PSAT1: variants seen among roughly 807,000 people sequenced by gnomAD.
PSAT1 encodes phosphoserine aminotransferase 1, also known as phosphoserine aminotransferase.
PSAT1 carries 41 observed loss-of-function variants against 40.3 expected under a neutral mutation model. The ratio of observed to expected loss-of-function variants is 1.02; its 90% CI spans 0.79 to 1.32. The LOEUF is 1.32. Ranked by LOEUF, PSAT1 falls within the 40% of genes most tolerant of loss-of-function variation. The pLI, the probability that PSAT1 is intolerant of heterozygous loss-of-function variation, is 0.00. For missense variants in PSAT1, 406 were observed against 455.8 expected (o/e 0.89, Z 0.99); for synonymous variants, 147 against 170.5 (o/e 0.86, Z 1.07).
intron 3 of PSAT1, among the ~76,000 whole-genome samples, chr9:78,302,900 C>T (rs749075266): frequency 2.6e-5 from 4 of 152,166 alleles, no homozygotes; most frequent in Non-Finnish European, 4.4e-5. Flanking sequence ...GTTATCTGTA[C>T]TGCCTTTCCT....
At chr9:78,324,209 G>A (rs1019848415) in intron 7 of PSAT1, among the ~76,000 whole-genome samples, 2 of 152,156 alleles carry the variant, frequency 1.3e-5, no homozygotes, top group African/African-American at 2.4e-5. Flanking sequence ...CCTCATTTAC[G>A]TGGTCGGTGA....
chr9:78,326,069 G>A lies in PSAT1; in HGVS notation c.870-1982G>A, dbSNP rs533412636. Among the ~76,000 whole-genome samples the A allele has an allele frequency of 1.1e-4, 16 of 152,240 alleles. No individual in the cohort carries two copies. The East Asian group carries it at 2.7e-3, about 26-fold the overall frequency. ...TGTCAGCCGTGAAACCTACCACTTC[G>A]AATAGTGGGGCCTGGAATTCAGGCT... On this transcript the variant is annotated intron_variant, in intron 7 of 8. Coordinates refer to ENST00000376588, the MANE Select transcript of PSAT1 (RefSeq NM_058179.4).
In PSAT1 at chr9:78,297,224, G is replaced by T; in HGVS notation, c.14G>T (p.Arg5Met). ...GGCCGCCGCACCATGGACGCCCCCAGGCAGGTGGTCAACTTTGGGCCTGGT... is the reference window on the plus strand; with the variant it reads ...GGCCGCCGCACCATGGACGCCCCCATGCAGGTGGTCAACTTTGGGCCTGGT... Reference protein sequence around the residue: MDAPRQVVNFGPGPA... With the variant: MDAPMQVVNFGPGPA... Residue 5 changes from arginine to methionine, a missense_variant, in exon 1 of 9, where the codon AGG becomes ATG. Arg to Met is a moderately conservative substitution (Grantham distance 91). Coordinates refer to ENST00000376588, the MANE Select transcript of PSAT1 (RefSeq NM_058179.4). 6.2e-7 allele frequency: 1 copy of T among 1,602,592 alleles called. No individual in the cohort carries two copies. Among genetic ancestry groups the T allele is most frequent in the Non-Finnish European group, 8.5e-7 (1 of 1,178,432 alleles).
At chr9:78,325,659 C>CGTATAA (rs1554688066) in intron 7 of PSAT1, among the ~76,000 whole-genome samples, 2 of 152,218 alleles carry the variant, frequency 1.3e-5, no homozygotes. Context: ...GCACTTCCTA[C>CGTATAA]GTATAATTGT....
At chr9:78,327,574 C>T (rs1011995977) in intron 7 of PSAT1, among the ~76,000 whole-genome samples, 3 of 152,106 alleles carry the variant, frequency 2.0e-5, no homozygotes, top group African/African-American at 4.8e-5. Flanking sequence ...CTCAGGGTCA[C>T]ACAGCTTGGG....
In PSAT1 at chr9:78,301,993, A is replaced by T. The variant is rs1395392907; in HGVS notation, c.161A>T (p.Asn54Ile). The T allele has an allele frequency of 6.2e-7, 1 of 1,611,870 alleles. No individual in the cohort carries two copies. Among genetic ancestry groups the T allele is most frequent in the Admixed American group, 1.7e-5 (1 of 60,020 alleles). ...TCATCAGATTTTGCCAAGATTATTA[A>T]CAATACAGAGAATCTTGTGCGGGAA... is the stretch of plus-strand genomic sequence containing the variant. ...HRSSDFAKII[N>I]NTENLVRELL... Residue 54 changes from asparagine (N) to isoleucine (I), a missense_variant, in exon 3 of 9, where the codon AAC (asparagine) becomes ATC (isoleucine). Physicochemically the swap from Asn to Ile is moderately radical, Grantham distance 149 (BLOSUM62 -3). Coordinates refer to ENST00000376588, the MANE Select transcript of PSAT1 (RefSeq NM_058179.4).
rs544663373 is a variant in PSAT1 at position 78,309,840 on chromosome 9, T to C, written c.740+1257T>C. On this transcript the variant is annotated intron_variant, in intron 6 of 8. Transcript: ENST00000376588. Reference sequence around the variant, plus strand: ...CTTCATGGCTCTTAAGATTTACAATTGCCTAAGAGAGTCTAGTATTTACTA... The same window carrying C: ...CTTCATGGCTCTTAAGATTTACAATCGCCTAAGAGAGTCTAGTATTTACTA... Among the ~76,000 whole-genome samples the C allele has an allele frequency of 3.3e-5, 5 of 152,346 alleles. No individual in the cohort carries two copies. The South Asian group carries it at 1.0e-3, about 32-fold the overall frequency.
intron 6 of PSAT1, among the ~76,000 whole-genome samples, chr9:78,317,002 G>A (rs1165438472): frequency 6.6e-6 from 1 of 152,076 alleles, no homozygotes; most frequent in Non-Finnish European, 1.5e-5. Context: ...TGAAGAGCTC[G>A]CTCTGGGTAG....
At chr9:78,320,951 A>G (rs979854300) in intron 7 of PSAT1, among the ~76,000 whole-genome samples, 9 of 152,298 alleles carry the variant, frequency 5.9e-5, no homozygotes, top group African/African-American at 2.2e-4. Context: ...TGGGAAAAAA[A>G]TTAAGGGCAT....
chr9:78,310,690 A>C (rs914878310), intron 6 of PSAT1, among the ~76,000 whole-genome samples: 1 of 151,218 alleles, frequency 6.6e-6, no homozygotes, highest in Non-Finnish European at 1.5e-5. Flanking sequence ...AGCTCGCTGC[A>C]ACCTCCGCCT....
At chr9:78,305,439 T>C (rs1252503987) in intron 4 of PSAT1, among the ~76,000 whole-genome samples, 3 of 152,178 alleles carry the variant, frequency 2.0e-5, no homozygotes, top group Non-Finnish European at 4.4e-5. Flanking sequence ...TTGCAGAAGC[T>C]AGTCAGTAGT....
In PSAT1 at chr9:78,308,415, T is replaced by G. The variant is rs1828216290; in HGVS notation, c.572T>G (p.Phe191Cys). 1 of 1,613,078 alleles carries G rather than the reference T, an allele frequency of 6.2e-7. No individual in the cohort carries two copies. The highest frequency in any genetic ancestry group is 1.3e-5 in the African/African-American group (1 of 74,884). ...GCAGCATGTCTTTCTCTTTTTAAGT[T>G]TGGTGTGATTTTTGCTGGTGCCCAG... ...FLSKPVDVSK[F>C]GVIFAGAQKN... Residue 191 changes from phenylalanine to cysteine, a missense_variant and splice_region_variant, in exon 6 of 9, where the codon TTT becomes TGT. Physicochemically the swap from Phe to Cys is radical, Grantham distance 205 (BLOSUM62 -2). Transcript: ENST00000376588.
intron 5 of PSAT1, 41 bp downstream of exon 5, chr9:78,306,527 G>A (rs376752491): frequency 1.7e-4 from 278 of 1,610,820 alleles, no homozygotes; most frequent in Non-Finnish European, 2.2e-4. Context: ...CCACTGACTC[G>A]GTGTCTGCAG....
At chr9:78,328,943 G>T (rs758117595) in intron 8 of PSAT1, 38 bp from the exon 9 acceptor site, 2 of 1,537,882 alleles carry the variant, frequency 1.3e-6, no homozygotes, top group Non-Finnish European at 1.8e-6. Context: ...GAAATTAGAC[G>T]TTTTTGTTCT....
chr9:78,297,139 C>A lies in PSAT1; in HGVS notation c.-72C>A. 1 of 1,477,990 alleles carries A rather than the reference C, an allele frequency of 6.8e-7. No individual in the cohort carries two copies. The highest frequency in any genetic ancestry group is 9.2e-7 in the Non-Finnish European group (1 of 1,087,138). 91.6% of individuals were successfully genotyped at this position (1,477,990 alleles called of 1,614,324 possible). On this transcript the variant is annotated 5_prime_UTR_variant, in exon 1 of 9. Transcript: ENST00000376588. ...CGGGGCCGGCTGCAGACTCTCACCGCAGCGGCCAGGAACGCCAGCCGTTCA... is the reference window on the plus strand; with the variant it reads ...CGGGGCCGGCTGCAGACTCTCACCGAAGCGGCCAGGAACGCCAGCCGTTCA...
Position 78,305,045 on chromosome 9 carries a change from G to C in PSAT1, c.397+105G>C, listed in dbSNP as rs369462845. On this transcript the variant is annotated intron_variant, in intron 4 of 8. Transcript: ENST00000376588. ...TTATTTTCTCCCCTTGACAGTGTTA[G>C]TTCATTACCATTTAGATTGGGTGGC... 9.8e-4 allele frequency: 983 copies of C among 1,002,948 alleles called. 5 individuals carry two copies. Among genetic ancestry groups the C allele is most frequent in the African/African-American group, 8.5e-3 (529 of 62,546 alleles). 62.1% of individuals were successfully genotyped at this position (1,002,948 alleles called of 1,614,324 possible).
intron 2 of PSAT1, 56 bp from the exon 3 acceptor site, chr9:78,301,898 T>C: frequency 1.7e-5 from 23 of 1,359,244 alleles, no homozygotes; most frequent in Non-Finnish European, 2.2e-5. Context: ...GGTATTTCTG[T>C]TCATTTGGTT....
In PSAT1 at chr9:78,329,574, A is replaced by C. The variant is rs1828551396; in HGVS notation, c.*488A>C. ...GTTTAAGAGTGCCAGGCGAAGGGCAAACTGTAGATCGATCTTTATGCTGTT... is the reference window on the plus strand; with the variant it reads ...GTTTAAGAGTGCCAGGCGAAGGGCACACTGTAGATCGATCTTTATGCTGTT... On this transcript the variant is annotated 3_prime_UTR_variant, in exon 9 of 9. Transcript: ENST00000376588. 5.6e-6 allele frequency: 1 copy of C among 178,250 alleles called. No homozygotes were observed. The highest frequency in any genetic ancestry group is 2.4e-5 in the African/African-American group (1 of 41,748). The allele number at this position is 178,250 out of a possible 1,614,324, so 11.0% of individuals were successfully genotyped here.
intron 6 of PSAT1, among the ~76,000 whole-genome samples, chr9:78,311,552 G>A (rs1324303686): frequency 6.6e-6 from 1 of 151,894 alleles, no homozygotes. Flanking sequence ...GAATGAACAC[G>A]GCCGGGTGCG....
Sources: gnomAD v4.1 joint callset for allele counts (sites outside exome capture counted in the v4.1 genomes callset) on GRCh38, gnomAD v4.1.1 for gene constraint, MANE v1.5 for transcripts, NCBI Gene and HGNC (gene_info 2026-07-23, HGNC 2026-07-21) for gene names.